TSPAN9: variants seen among roughly 807,000 people sequenced by gnomAD.
TSPAN9 encodes tetraspanin-9.
Under a neutral mutation model 31.0 loss-of-function variants are expected in TSPAN9, and 16 were observed. The observed-to-expected ratio is 0.52, with a 90% CI of 0.35 to 0.78. The LOEUF (loss-of-function observed/expected upper bound fraction) is 0.78. TSPAN9 is among the 30% of genes least tolerant of loss of function. TSPAN9 has a pLI of 0.01. For missense variants in TSPAN9, 272 were observed against 312.5 expected, an observed-to-expected ratio of 0.87 and a Z score of 0.98; for synonymous variants, 145 against 121.6, an observed-to-expected ratio of 1.19 and a Z score of -1.27.
chr12:3,262,709 G>C (rs1251533112), intron 3 of TSPAN9, among the ~76,000 whole-genome samples: 1 of 151,410 alleles, frequency 6.6e-6, no homozygotes, highest in Non-Finnish European at 1.5e-5. Flanking sequence ...GTCAGAGGCC[G>C]CGCACAGCTC....
chr12:3,124,093 AACTAGTAGAAGACACTTCAAAACAG>A (rs1227749363), intron 2 of TSPAN9, among the ~76,000 whole-genome samples: 1 of 152,232 alleles, frequency 6.6e-6, no homozygotes, highest in African/African-American at 2.4e-5. Flanking sequence ...GTATATGAGC[AACTAGTAGAAGACACTTCAAAACAG>A]AAGTGAGAAA....
intron 2 of TSPAN9, among the ~76,000 whole-genome samples, chr12:3,141,611 G>A (rs1020714287): frequency 3.3e-5 from 5 of 152,064 alleles, no homozygotes; most frequent in African/African-American, 9.7e-5. Context: ...CTGCAGCTGC[G>A]CTTGTGTTTT....
At chr12:3,248,161 A>C (rs1224765577) in intron 3 of TSPAN9, among the ~76,000 whole-genome samples, 1 of 152,086 alleles carries the variant, frequency 6.6e-6, no homozygotes, top group Non-Finnish European at 1.5e-5. Context: ...TTTTGATGAG[A>C]TTGCCCTCAC....
chr12:3,279,957 T>C (rs1862863792), intron 5 of TSPAN9, among the ~76,000 whole-genome samples: 1 of 151,278 alleles, frequency 6.6e-6, no homozygotes, highest in Admixed American at 6.6e-5. Context: ...TGACCTGTCT[T>C]CCTCCCTCTA....
intron 3 of TSPAN9, among the ~76,000 whole-genome samples, chr12:3,202,137 G>A (rs2098372274): frequency 6.6e-6 from 1 of 152,244 alleles, no homozygotes; most frequent in Non-Finnish European, 1.5e-5. Flanking sequence ...ACGTGCATAA[G>A]AAATACTGGT....
chr12:3,144,949 T>C (rs747632868), intron 2 of TSPAN9, among the ~76,000 whole-genome samples: 1 of 152,270 alleles, frequency 6.6e-6, no homozygotes, highest in Non-Finnish European at 1.5e-5. Flanking sequence ...GAGGATAATC[T>C]GATCATCAAA....
intron 3 of TSPAN9, among the ~76,000 whole-genome samples, chr12:3,203,509 T>G (rs2098373198): frequency 6.6e-6 from 1 of 152,356 alleles, no homozygotes; most frequent in East Asian, 1.9e-4. Context: ...GTTGGTGGAA[T>G]ATATTTTCGT....
Position 3,283,145 on chromosome 12 carries a change from C to A in TSPAN9, c.*29C>A. On this transcript the variant is annotated 3_prime_UTR_variant, in exon 9 of 9. Transcript: ENST00000011898. The stretch of plus-strand genomic sequence containing the variant: ...GGCTGGCCGGGAGTGCCCACCCCGC[C>A]CTGCTGCCCTGTGGAGGGAAGAGGA... 1 of 1,602,322 alleles carries A rather than the reference C, an allele frequency of 6.2e-7. No individual in the cohort carries two copies. Among genetic ancestry groups the A allele is most frequent in the South Asian group, 1.1e-5 (1 of 90,958 alleles).
intron 3 of TSPAN9, among the ~76,000 whole-genome samples, chr12:3,230,118 G>C (rs2098389880): frequency 6.6e-6 from 1 of 152,156 alleles, no homozygotes; most frequent in African/African-American, 2.4e-5. Context: ...CCTACTAGCT[G>C]GTTGTGTCCT....
At chr12:3,108,595 T>C (rs1361549298) in intron 2 of TSPAN9, among the ~76,000 whole-genome samples, 1 of 152,188 alleles carries the variant, frequency 6.6e-6, no homozygotes, top group Non-Finnish European at 1.5e-5. Context: ...ACCCACTGTT[T>C]AGTTCAGGGA....
At chr12:3,126,274 T>C (rs1430550580) in intron 2 of TSPAN9, among the ~76,000 whole-genome samples, 1 of 152,220 alleles carries the variant, frequency 6.6e-6, no homozygotes, top group Non-Finnish European at 1.5e-5. Flanking sequence ...GGAAATGCAC[T>C]GTTAGGTGAT....
intron 3 of TSPAN9, among the ~76,000 whole-genome samples, chr12:3,248,287 G>A (rs758693591): frequency 1.6e-4 from 25 of 152,162 alleles, no homozygotes; most frequent in Non-Finnish European, 3.4e-4. Context: ...TGAACAGATT[G>A]GAGGTGTCAT....
At chr12:3,195,489 CT>C (rs1290401912) in intron 2 of TSPAN9, among the ~76,000 whole-genome samples, 1 of 152,154 alleles carries the variant, frequency 6.6e-6, no homozygotes, top group African/African-American at 2.4e-5. Flanking sequence ...AGAGAGCCCC[CT>C]GAAGGGCAGC....
At chr12:3,251,073 A>G (rs1862236886) in intron 3 of TSPAN9, among the ~76,000 whole-genome samples, 1 of 152,120 alleles carries the variant, frequency 6.6e-6, no homozygotes, top group African/African-American at 2.4e-5. Flanking sequence ...ATGATCTAGT[A>G]CTACCCTCTC....
At chr12:3,188,347 C>T (rs750563470) in intron 2 of TSPAN9, among the ~76,000 whole-genome samples, 8 of 152,178 alleles carry the variant, frequency 5.3e-5, no homozygotes, top group Admixed American at 1.3e-4. Flanking sequence ...CAGGCTCCTG[C>T]GGTACTACTG....
intron 2 of TSPAN9, among the ~76,000 whole-genome samples, chr12:3,114,905 T>C (rs562639827): frequency 6.6e-6 from 1 of 151,368 alleles, no homozygotes; most frequent in East Asian, 2.0e-4. Flanking sequence ...GGCCAACAGG[T>C]TTGTTTTATT....
At chr12:3,101,462 A>G (rs904025568) in intron 2 of TSPAN9, among the ~76,000 whole-genome samples, 5 of 152,132 alleles carry the variant, frequency 3.3e-5, no homozygotes, top group African/African-American at 9.7e-5. Flanking sequence ...GCCACTCTAC[A>G]CAATTTTGGA....
At position 3,237,654 on chromosome 12, in the gene TSPAN9, C is replaced by G. The variant is rs570475576; in HGVS notation, c.63+36398C>G. ...TCCCGGTTGGGCTGGAATCGAAAAC[C>G]TGATTGATCTCTCCAGAACAAATGG... On this transcript the variant is annotated intron_variant, in intron 3 of 8. Coordinates refer to ENST00000011898, the MANE Select transcript of TSPAN9 (RefSeq NM_006675.5). Among the ~76,000 whole-genome samples the G allele has an allele frequency of 5.3e-5, 8 of 152,338 alleles. No individual in the cohort carries two copies. In the South Asian group the frequency reaches 1.7e-3, roughly 32 times the overall value.
intron 3 of TSPAN9, among the ~76,000 whole-genome samples, chr12:3,256,567 G>C (rs1862350019): frequency 6.6e-6 from 1 of 152,230 alleles, no homozygotes; most frequent in African/African-American, 2.4e-5. Flanking sequence ...CCCGGCTAGG[G>C]CTGGGAGGGC....
Sources: gnomAD v4.1 joint callset for allele counts (sites outside exome capture counted in the v4.1 genomes callset) on GRCh38, gnomAD v4.1.1 for gene constraint, MANE v1.5 for transcripts, NCBI Gene and HGNC (gene_info 2026-07-23, HGNC 2026-07-21) for gene names.